RYR2: variants seen among roughly 807,000 people sequenced by gnomAD.
RYR2 encodes ryanodine receptor 2.
In RYR2, 227 loss-of-function variants were observed where a neutral mutation model predicts 601.1. The ratio of observed to expected loss-of-function variants is 0.38; its 90% CI spans 0.34 to 0.42. RYR2 has a LOEUF of 0.42. Ranked by LOEUF, RYR2 falls within the 10% of genes least tolerant of loss-of-function variation. RYR2 has a pLI of 1.00. For missense variants in RYR2, 4,646 were observed against 6,156.5 expected (o/e 0.75, Z 8.21); for synonymous variants, 2,223 against 2,175.1 (o/e 1.02, Z -0.61).
At chr1:237,220,390 C>T (rs1683679271) in intron 1 of RYR2, among the ~76,000 whole-genome samples, 2 of 152,204 alleles carry the variant, frequency 1.3e-5, no homozygotes, top group African/African-American at 4.8e-5. Flanking sequence ...TCAGGCCTGA[C>T]CGGTGGTGTG....
At chr1:237,745,912 A>ATT (rs34696824) in intron 80 of RYR2, among the ~76,000 whole-genome samples, 52 of 145,660 alleles carry the variant, frequency 3.6e-4, no homozygotes, top group African/African-American at 1.2e-3. Context: ...TCCTAATGAG[A>ATT]TTTTTTTTTT....
intron 2 of RYR2, among the ~76,000 whole-genome samples, chr1:237,312,310 A>C (rs1194828659): frequency 6.6e-6 from 1 of 152,228 alleles, no homozygotes; most frequent in African/African-American, 2.4e-5. Flanking sequence ...CTGTTGCCGC[A>C]GAGATGTTAG....
intron 101 of RYR2, among the ~76,000 whole-genome samples, chr1:237,826,987 G>A (rs533362581): frequency 6.6e-6 from 1 of 152,168 alleles, no homozygotes; most frequent in East Asian, 1.9e-4. Context: ...CTTGGAGTGT[G>A]GTGTTTTTCT....
intron 1 of RYR2, among the ~76,000 whole-genome samples, chr1:237,046,772 G>C (rs146810038): frequency 3.3e-4 from 50 of 152,346 alleles, no homozygotes; most frequent in Non-Finnish European, 5.3e-4. Flanking sequence ...GCTTTCGGGA[G>C]AGAGGGAGAG....
chr1:237,286,461 G>T (rs564600023), intron 2 of RYR2, among the ~76,000 whole-genome samples: 7 of 150,962 alleles, frequency 4.6e-5, no homozygotes, highest in African/African-American at 1.5e-4. Flanking sequence ...CTTGGAGAAA[G>T]TTCCATGCGC....
chr1:237,191,014 C>T (rs1679913345), intron 1 of RYR2, among the ~76,000 whole-genome samples: 1 of 152,104 alleles, frequency 6.6e-6, no homozygotes, highest in Non-Finnish European at 1.5e-5. Flanking sequence ...AAGCTTTCCC[C>T]CTGTTTTCTT....
chr1:237,368,576 C>A (rs1700382587), intron 5 of RYR2, among the ~76,000 whole-genome samples: 1 of 152,096 alleles, frequency 6.6e-6, no homozygotes, highest in South Asian at 2.1e-4. Context: ...TGAAATGAAA[C>A]TTCTCTGTGT....
intron 92 of RYR2, 140 bp downstream of exon 92, chr1:237,788,275 G>T: frequency 1.6e-6 from 1 of 636,006 alleles, no homozygotes; most frequent in Non-Finnish European, 2.7e-6. Flanking sequence ...TTTGCTCATT[G>T]TAGTGTGTTT....
chr1:237,155,979 C>T (rs1675286135), intron 1 of RYR2, among the ~76,000 whole-genome samples: 1 of 152,182 alleles, frequency 6.6e-6, no homozygotes, highest in African/African-American at 2.4e-5. Context: ...CCTCTTAATC[C>T]TGGGCATTTA....
At chr1:237,322,322 TTTCTC>T (rs953864474) in intron 2 of RYR2, among the ~76,000 whole-genome samples, 3 of 152,198 alleles carry the variant, frequency 2.0e-5, no homozygotes, top group Non-Finnish European at 4.4e-5. Context: ...TGTCTTCGCT[TTTCTC>T]TTCTCCTTTT....
intron 1 of RYR2, among the ~76,000 whole-genome samples, chr1:237,136,958 A>T (rs1672854028): frequency 6.8e-6 from 1 of 146,790 alleles, no homozygotes; most frequent in South Asian, 2.2e-4. Context: ...CAGAGGTTGC[A>T]GTGAGCCGAG....
chr1:237,787,833 TA>T, intron 91 of RYR2, 154 bp from the exon 92 acceptor site: 1 of 720,654 alleles, frequency 1.4e-6, no homozygotes. Context: ...CCCCTGATTC[TA>T]AAATTCAGAA....
chr1:237,056,890 C>T (rs1662213875), intron 1 of RYR2, among the ~76,000 whole-genome samples: 1 of 152,180 alleles, frequency 6.6e-6, no homozygotes, highest in African/African-American at 2.4e-5. Flanking sequence ...CCCTCCCACC[C>T]TCGGAAGGAA....
intron 5 of RYR2, 128 bp from the exon 6 acceptor site, chr1:237,369,406 G>C: frequency 6.3e-6 from 5 of 795,152 alleles, no homozygotes; most frequent in Non-Finnish European, 1.1e-5. Flanking sequence ...TTGCTTGTCT[G>C]CAAGAGCTCT....
chr1:237,085,465 C>T (rs569397337), intron 1 of RYR2, among the ~76,000 whole-genome samples: 1 of 152,328 alleles, frequency 6.6e-6, no homozygotes, highest in South Asian at 2.1e-4. Context: ...TTAATTTCCT[C>T]TCTACTGTTC....
chr1:237,192,154 C>G (rs1572153716), intron 1 of RYR2, among the ~76,000 whole-genome samples: 1 of 151,184 alleles, frequency 6.6e-6, no homozygotes, highest in Non-Finnish European at 1.5e-5. Flanking sequence ...CATCACAATA[C>G]TGCGGCCTCT....
chr1:237,426,365 G>C (rs373115213), intron 12 of RYR2, among the ~76,000 whole-genome samples: 1 of 152,154 alleles, frequency 6.6e-6, no homozygotes, highest in South Asian at 2.1e-4. Flanking sequence ...CTCTTAGAGG[G>C]CCTCTACAGT....
intron 1 of RYR2, among the ~76,000 whole-genome samples, chr1:237,128,038 G>A (rs1671724738): frequency 6.6e-6 from 1 of 152,164 alleles, no homozygotes; most frequent in African/African-American, 2.4e-5. Flanking sequence ...GCAGGCGGCT[G>A]GGAGGTGGAG....
chr1:237,204,334 T>C (rs1473343054), intron 1 of RYR2, among the ~76,000 whole-genome samples: 1 of 152,196 alleles, frequency 6.6e-6, no homozygotes, highest in Non-Finnish European at 1.5e-5. Context: ...TCAGTAGTTA[T>C]CCCTCTACTT....
Sources: gnomAD v4.1 joint callset for allele counts (sites outside exome capture counted in the v4.1 genomes callset) on GRCh38, gnomAD v4.1.1 for gene constraint, MANE v1.5 for transcripts, NCBI Gene and HGNC (gene_info 2026-07-23, HGNC 2026-07-21) for gene names.